Variants in NT5C3A observed in about 807,000 individuals in gnomAD.
The protein encoded by NT5C3A is 5'-nucleotidase, cytosolic IIIA.
NT5C3A carries 23 observed loss-of-function variants against 40.0 expected under a neutral mutation model. The observed-to-expected ratio is 0.58, with a 90% confidence interval of 0.41 to 0.81. The LOEUF is 0.81. Ranked by LOEUF, NT5C3A falls within the 40% of genes least tolerant of loss-of-function variation. The pLI, the probability that NT5C3A is intolerant of heterozygous loss-of-function variation, is 0.00. For synonymous variants in NT5C3A, 130 were observed against 141.4 expected (o/e 0.92, Z 0.57); for missense variants, 328 against 403.0 (o/e 0.81, Z 1.59).
At chr7:33,038,163 G>T (rs1786710978) in intron 1 of NT5C3A, among the ~76,000 whole-genome samples, 1 of 151,674 alleles carries the variant, frequency 6.6e-6, no homozygotes, top group Non-Finnish European at 1.5e-5. Flanking sequence ...TTGAAAAAAA[G>T]GAATAGTGTG....
intron 1 of NT5C3A, among the ~76,000 whole-genome samples, chr7:33,057,363 A>G (rs1463979581): frequency 6.6e-6 from 1 of 152,058 alleles, no homozygotes; most frequent in Non-Finnish European, 1.5e-5. Context: ...TCTCTACAAA[A>G]AAATACAAAA....
chr7:33,030,101 A>G (rs370252712), intron 1 of NT5C3A, among the ~76,000 whole-genome samples: 12 of 152,224 alleles, frequency 7.9e-5, no homozygotes, highest in African/African-American at 2.7e-4. Flanking sequence ...TACACAATTA[A>G]TGTCACTGAT....
rs747137547 is a variant in NT5C3A, at chr7:33,062,595, C to G, written c.111G>C (p.Thr37=). The G allele has an allele frequency of 1.9e-6, 3 of 1,610,050 alleles. No individual in the cohort carries two copies. The highest frequency in any genetic ancestry group is 2.5e-6 in the Non-Finnish European group (3 of 1,178,980). The change falls in exon 1 of 9, where the codon ACG becomes ACC. Residue 37 remains threonine, a synonymous_variant. Transcript: ENST00000610140. ...TCTCGATGATCTTGGTCTTCCGCCC[C>G]GTCTTCCTCTTCAAGGTGAATATGT... is the stretch of plus-strand genomic sequence containing the variant. ...AQYIFTLKRK[T]GRKTKIIEMM...
intron 1 of NT5C3A, among the ~76,000 whole-genome samples, chr7:33,061,548 A>C (rs962500500): frequency 6.6e-6 from 1 of 152,196 alleles, no homozygotes; most frequent in Non-Finnish European, 1.5e-5. Flanking sequence ...AATTATGCAA[A>C]TACATCTGTA....
chr7:33,015,583 A>T, intron 8 of NT5C3A, 87 bp downstream of exon 8: 1 of 843,484 alleles, frequency 1.2e-6, no homozygotes, highest in Non-Finnish European at 1.9e-6. Flanking sequence ...TAAAATAACT[A>T]CTTTCTCAGG....
rs994359574 is a variant in NT5C3A, at chr7:33,041,158, A to T, written c.139-14243T>A. On this transcript the variant is annotated intron_variant, in intron 1 of 8. Coordinates refer to ENST00000610140, the MANE Select transcript of NT5C3A (RefSeq NM_001002010.5). ...TATTAGAACTGGCAACTGGCTCTGG[A>T]AAGAAAAGAGGAACCTCTACACTAA... is the stretch of plus-strand genomic sequence containing the variant. The T allele has an allele frequency of 3.0e-6, 3 of 984,614 alleles. No individual in the cohort carries two copies. In the African/African-American group the frequency reaches 5.2e-5, roughly 17 times the overall value. The allele number at this position is 984,614 out of a possible 1,614,324, so 61.0% of individuals were successfully genotyped here. A position where few individuals can be genotyped will look rare whatever the true frequency, so the allele number is the denominator to read the frequency against.
At chr7:33,027,191 T>C (rs756455085) in intron 1 of NT5C3A, among the ~76,000 whole-genome samples, 7 of 152,150 alleles carry the variant, frequency 4.6e-5, no homozygotes, top group Non-Finnish European at 1.0e-4. Flanking sequence ...CATCTCAGCC[T>C]CCTGAGTAGG....
rs186325627 is a variant in NT5C3A, at chr7:33,017,588, T to G, written c.544A>C (p.Asn182His). Reference protein sequence around the residue: ...SDVMLKEGYENFFDKLQQHSI... With the variant: ...SDVMLKEGYEHFFDKLQQHSI... ...TGTTGTTGGAGCTTATCAAAGAAAT[T>G]CTCATATCCTTCTCTGTAAGATGGA... Residue 182 changes from asparagine (N) to histidine (H), a missense_variant, in exon 7 of 9, where the codon AAT (asparagine) becomes CAT (histidine). Asn to His is a moderately conservative substitution (Grantham distance 68). Around this residue, in one of 3 missense-constraint regions of NT5C3A, gnomAD observed 280 missense variants for 317.2 expected, o/e 0.88. Transcript: ENST00000610140. 11 of 1,613,354 alleles carry G rather than the reference T, an allele frequency of 6.8e-6. No individual in the cohort carries two copies. The highest frequency in any genetic ancestry group is 8.5e-6 in the Non-Finnish European group (10 of 1,179,292).
At chr7:33,047,802 T>A (rs1787215600) in intron 1 of NT5C3A, among the ~76,000 whole-genome samples, 1 of 152,148 alleles carries the variant, frequency 6.6e-6, no homozygotes, top group South Asian at 2.1e-4. Context: ...ATAAAAAGAA[T>A]CAATACAAAA....
chr7:33,061,190 T>G (rs772925038), intron 1 of NT5C3A, among the ~76,000 whole-genome samples: 20 of 152,354 alleles, frequency 1.3e-4, no homozygotes, highest in Non-Finnish European at 2.5e-4. Context: ...TTATTAACCT[T>G]GGGCAAAAGA....
intron 1 of NT5C3A, among the ~76,000 whole-genome samples, chr7:33,051,623 T>C (rs1288198321): frequency 6.6e-6 from 1 of 152,206 alleles, no homozygotes; most frequent in Admixed American, 6.5e-5. Context: ...CCATCTCTTT[T>C]CTGTCTTCCT....
At chr7:33,052,485 C>CAA (rs60149792) in intron 1 of NT5C3A, among the ~76,000 whole-genome samples, 2,179 of 74,140 alleles carry the variant, frequency 0.029, 68 homozygotes, top group South Asian at 0.084. Context: ...GACTCGGTCT[C>CAA]AAAAAAAAAA....
chr7:33,062,166 G>A (rs1181411894), intron 1 of NT5C3A, among the ~76,000 whole-genome samples: 1 of 152,122 alleles, frequency 6.6e-6, no homozygotes, highest in Admixed American at 6.6e-5. Context: ...GTTTGACGCG[G>A]ATCCGGGGGG....
intron 2 of NT5C3A, among the ~76,000 whole-genome samples, chr7:33,025,523 TA>T (rs934759564): frequency 1.3e-5 from 2 of 152,214 alleles, no homozygotes; most frequent in Admixed American, 6.5e-5. Context: ...CACATTCCTT[TA>T]AAACAGAGAC....
intron 4 of NT5C3A, 131 bp from the exon 5 acceptor site, chr7:33,021,488 G>A: frequency 8.8e-7 from 1 of 1,135,022 alleles, no homozygotes; most frequent in Non-Finnish European, 1.2e-6. Flanking sequence ...TGCATCAATT[G>A]AAAAAATATT....
chr7:33,021,344 T>A lies in NT5C3A; in HGVS notation c.368A>T (p.Lys123Met), dbSNP rs896601782. The change falls in exon 5 of 9, where the codon AAG becomes ATG. Residue 123 changes from lysine to methionine, a missense_variant. Physicochemically the swap from Lys to Met is moderately conservative, Grantham distance 95. Coordinates refer to ENST00000610140, the MANE Select transcript of NT5C3A (RefSeq NM_001002010.5). ...DECRKKLLQL[K>M]EKYYAIEVDP... ...AACTTCAATAGCGTAATATTTTTCCTTTAGTTGCAATAACTAGGAAGATAT... is the reference window on the plus strand; with the variant it reads ...AACTTCAATAGCGTAATATTTTTCCATTAGTTGCAATAACTAGGAAGATAT... The A allele has an allele frequency of 4.3e-6, 7 of 1,610,764 alleles. No individual in the cohort carries two copies. Among genetic ancestry groups the A allele is most frequent in the Non-Finnish European group, 5.9e-6 (7 of 1,177,880 alleles).
In NT5C3A at chr7:33,017,488, TA is replaced by T. The variant is rs887394710; in HGVS notation, c.643del (p.Tyr215IlefsTer27). On this transcript the variant is annotated frameshift_variant, in exon 7 of 9. Coordinates refer to ENST00000610140, the MANE Select transcript of NT5C3A (RefSeq NM_001002010.5). LOFTEE classifies it high-confidence loss of function. ...LEEVIRQAGV[Y>X]HPNVKVVSNF... ...GGACACAACTTTGACATTGGGATGA[TA>T]AACACCAGCTTGACGAATAACTTCC... The T allele has an allele frequency of 6.2e-7, 1 of 1,613,654 alleles. No homozygotes were observed. The highest frequency in any genetic ancestry group is 8.5e-7 in the Non-Finnish European group (1 of 1,179,672).
chr7:33,040,933 AAT>A (rs1300955733), intron 1 of NT5C3A: 1 of 985,330 alleles, frequency 1.0e-6, no homozygotes, highest in African/African-American at 1.7e-5. Flanking sequence ...GAGAAGTACT[AAT>A]ATAGCACAAG....
At position 33,014,389 on chromosome 7, in the gene NT5C3A, T is replaced by C; in HGVS notation, c.*341A>G. 1 of 458,156 alleles carries C rather than the reference T, an allele frequency of 2.2e-6. No homozygotes were observed. The highest frequency in any genetic ancestry group is 4.3e-6 in the Non-Finnish European group (1 of 230,122). The allele number at this position is 458,156 out of a possible 1,614,324, so 28.4% of individuals were successfully genotyped here. Reference sequence around the variant, plus strand: ...TTATTTCACCATTTCATAAAACTTATTTTAAAATTTCTACAAACTTTCCCA... The same window carrying C: ...TTATTTCACCATTTCATAAAACTTACTTTAAAATTTCTACAAACTTTCCCA... On this transcript the variant is annotated 3_prime_UTR_variant, in exon 9 of 9. Transcript: ENST00000610140.
Sources: gnomAD v4.1 joint callset for allele counts (sites outside exome capture counted in the v4.1 genomes callset) on GRCh38, gnomAD v4.1.1 for gene constraint, gnomAD v4.1.1 regional missense constraint, MANE v1.5 for transcripts, NCBI Gene and HGNC (gene_info 2026-07-23, HGNC 2026-07-21) for gene names.